The following XCR1 variants were observed in gnomAD, a reference collection of about 807,000 sequenced individuals.
XCR1 encodes X-C motif chemokine receptor 1, also known as chemokine XC receptor 1.
For synonymous variants in XCR1, 187 were observed against 188.5 expected (o/e 0.99, Z 0.06); for missense variants, 356 against 424.2 (o/e 0.84, Z 1.41).
chr3:46,059,764 G>A (rs1697926722), intron 4 of XCR1, among the ~76,000 whole-genome samples: 1 of 152,150 alleles, frequency 6.6e-6, no homozygotes, highest in African/African-American at 2.4e-5. Flanking sequence ...CTTTATTGAG[G>A]TGTGTGTAAA....
At chr3:46,062,123 TG>T in intron 4 of XCR1, among the ~76,000 whole-genome samples, 1 of 152,208 alleles carries the variant, frequency 6.6e-6, no homozygotes, top group Non-Finnish European at 1.5e-5. Flanking sequence ...TCTGGGACTT[TG>T]GGGCTTTTTC....
Position 46,021,506 on chromosome 3 carries a change from G to A in XCR1, c.442C>T (p.Leu148=). Residue 148 remains leucine, a synonymous_variant, in exon 2 of 2, where the codon CTG becomes TTG. Transcript: ENST00000309285. This position sits in a 1 kb window ranked among gnomAD's most constrained non-coding sequence, Gnocchi z 4.7. ...GCTACCCACACAGCCATGGTCACCA[G>A]CACCCGGCAGCGGAGGGTGGGGACG... ...LRVPTLRCRV[L]VTMAVWVASI... 1 of 1,613,032 alleles carries A rather than the reference G, an allele frequency of 6.2e-7. No homozygotes were observed.
intron 2 of XCR1, among the ~76,000 whole-genome samples, chr3:46,075,308 CAAAAA>C (rs56787185): frequency 3.1e-4 from 19 of 61,674 alleles, no homozygotes; most frequent in African/African-American, 1.2e-3. Context: ...GCTCATAGAC[CAAAAA>C]AAAAAAAAAA....
Position 46,021,915 on chromosome 3 carries a change from G to A in XCR1, c.33C>T (p.Thr11=), listed in dbSNP as rs1398615981. The change falls in exon 2 of 2, where the codon ACC becomes ACT. Residue 11 remains threonine (T), a synonymous_variant. Transcript: ENST00000309285. The surrounding 1 kb of genome is among the most constrained non-coding windows in gnomAD (Gnocchi z 4.7). The part of the protein sequence containing the change: MESSGNPEST[T]FFYYDLQSQP... Reference sequence around the variant, plus strand: ...GGCTCTGAAGGTCATAGTAAAAAAAGGTGGTGCTCTCTGGGTTGCCTGAGG... The same window carrying A: ...GGCTCTGAAGGTCATAGTAAAAAAAAGTGGTGCTCTCTGGGTTGCCTGAGG... 1 of 1,613,670 alleles carries A rather than the reference G, an allele frequency of 6.2e-7. No homozygotes were observed. The highest frequency in any genetic ancestry group is 8.5e-7 in the Non-Finnish European group (1 of 1,179,828).
chr3:46,057,860 C>T (rs1466907131), intron 4 of XCR1, among the ~76,000 whole-genome samples: 1 of 151,934 alleles, frequency 6.6e-6, no homozygotes, highest in Non-Finnish European at 1.5e-5. Context: ...CTATCTAGTA[C>T]CTATTATCAT....
chr3:46,022,267 T>C lies in XCR1; in HGVS notation c.-31-289A>G, dbSNP rs114609382. 598 of 242,256 alleles carry C rather than the reference T, an allele frequency of 2.5e-3. 4 individuals are homozygous for C. Among genetic ancestry groups the C allele is most frequent in the African/African-American group, 0.012 (545 of 44,564 alleles). The allele number at this position is 242,256 out of a possible 1,614,324, so 15.0% of individuals were successfully genotyped here. A position where few individuals can be genotyped will look rare whatever the true frequency, so the allele number is the denominator to read the frequency against. Reference sequence around the variant, plus strand: ...CTGCAGAGAGCTGTGATCATGCCACTGCACTCCAACCTAGGTGACAGAGAA... The same window carrying C: ...CTGCAGAGAGCTGTGATCATGCCACCGCACTCCAACCTAGGTGACAGAGAA... On this transcript the variant is annotated intron_variant, in intron 1 of 1. Transcript: ENST00000309285.
chr3:46,046,452 C>A (rs954037225), intron 5 of XCR1, among the ~76,000 whole-genome samples: 3 of 152,202 alleles, frequency 2.0e-5, no homozygotes, highest in African/African-American at 7.2e-5. Flanking sequence ...TTCAGCAAAC[C>A]ATCTGGCAGT....
chr3:46,029,903 C>T (rs926608748), upstream of XCR1, among the ~76,000 whole-genome samples: 3 of 151,896 alleles, frequency 2.0e-5, no homozygotes, highest in African/African-American at 4.8e-5. Flanking sequence ...AAATTTATTC[C>T]TAAGTATTTT....
At chr3:46,073,673 G>A (rs1474455289) in intron 3 of XCR1, among the ~76,000 whole-genome samples, 3 of 152,076 alleles carry the variant, frequency 2.0e-5, no homozygotes, top group Non-Finnish European at 2.9e-5. Context: ...TGCGACTTAT[G>A]CATCTGACAG....
At chr3:46,038,941 T>G (rs1697485174) in intron 5 of XCR1, among the ~76,000 whole-genome samples, 1 of 152,006 alleles carries the variant, frequency 6.6e-6, no homozygotes, top group Non-Finnish European at 1.5e-5. Flanking sequence ...TTTTTTCAAA[T>G]TAATTACAAT....
intron 1 of XCR1, chr3:46,023,269 C>T: frequency 2.9e-6 from 2 of 696,990 alleles, no homozygotes; most frequent in South Asian, 3.6e-5. Flanking sequence ...GGCCCCACCG[C>T]TCCCCTTCCT....
chr3:46,068,994 T>C (rs1478324822), intron 3 of XCR1, among the ~76,000 whole-genome samples: 2 of 152,156 alleles, frequency 1.3e-5, no homozygotes, highest in Non-Finnish European at 2.9e-5. Flanking sequence ...ATGAATATCA[T>C]ATGTTTAAAT....
At chr3:46,025,316 A>G (rs570020211) in intron 1 of XCR1, among the ~76,000 whole-genome samples, 11 of 152,316 alleles carry the variant, frequency 7.2e-5, no homozygotes, top group African/African-American at 2.2e-4. Flanking sequence ...AGGCAGGAGA[A>G]TCCCTTGAGG....
At chr3:46,051,047 C>T (rs1210453285) in intron 5 of XCR1, among the ~76,000 whole-genome samples, 3 of 152,148 alleles carry the variant, frequency 2.0e-5, no homozygotes, top group African/African-American at 7.2e-5. Context: ...CATTGATCCA[C>T]CCACACAGGT....
chr3:46,077,081 C>T (rs1012990914), intron 1 of XCR1, among the ~76,000 whole-genome samples: 3 of 152,162 alleles, frequency 2.0e-5, no homozygotes. Context: ...TCTGGACTAA[C>T]TGATGCCACG....
intron 5 of XCR1, among the ~76,000 whole-genome samples, chr3:46,034,235 G>T (rs577626366): frequency 7.5e-4 from 114 of 152,300 alleles, no homozygotes; most frequent in Admixed American, 1.3e-3. Context: ...GCCTCCCAAA[G>T]TGCTGGGATT....
rs146140093 is a variant in XCR1 at position 46,076,376 on chromosome 3, C to T, written c.-328+364G>A. The stretch of plus-strand genomic sequence containing the variant: ...CCTGCTGAAATCTGGGCCGTTCCTA[C>T]TTCTTGGCTGAATATTTTGTCTGAG... On this transcript the variant is annotated intron_variant, in intron 2 of 5. Coordinates refer to the XCR1 transcript ENST00000683768. 1.4e-3 allele frequency among the ~76,000 whole-genome samples: 209 copies of T among 152,202 alleles called. 1 individual carries two copies. Among genetic ancestry groups the T allele is most frequent in the Middle Eastern group, 0.01 (3 of 294 alleles).
upstream of XCR1, among the ~76,000 whole-genome samples, chr3:46,028,192 T>C (rs1224832642): frequency 6.6e-6 from 1 of 152,158 alleles, no homozygotes; most frequent in Non-Finnish European, 1.5e-5. Context: ...GTGCCTTATT[T>C]TTCTTGGTCG....
intron 4 of XCR1, among the ~76,000 whole-genome samples, chr3:46,066,474 AC>A (rs1698077925): frequency 6.6e-6 from 1 of 151,898 alleles, no homozygotes; most frequent in South Asian, 2.1e-4. Context: ...CAATCTCTTG[AC>A]CTCTTGATCC....
Sources: gnomAD v4.1 joint callset for allele counts (sites outside exome capture counted in the v4.1 genomes callset) on GRCh38, gnomAD v4.1.1 for gene constraint, Gnocchi (gnomAD v3.1) non-coding constraint, MANE v1.5 for transcripts, NCBI Gene and HGNC (gene_info 2026-07-23, HGNC 2026-07-21) for gene names.